FBXL17: variants seen among roughly 807,000 people sequenced by gnomAD.
FBXL17 encodes the protein F-box/LRR-repeat protein 17.
Under a neutral mutation model 66.2 loss-of-function variants are expected in FBXL17, and 22 were observed. That is an observed-to-expected ratio of 0.33 (90% confidence interval 0.24 to 0.47). The LOEUF is 0.47. FBXL17 is among the 20% of genes least tolerant of loss of function. The pLI is 1.00. For missense variants in FBXL17, 878 were observed against 948.2 expected (o/e 0.93, Z 0.97); for synonymous variants, 474 against 400.5 (o/e 1.18, Z -2.19).
In FBXL17 at chr5:108,338,445, T is replaced by C. The variant is rs556246346; in HGVS notation, c.1506+9954A>G. Among the ~76,000 whole-genome samples the C allele has an allele frequency of 3.3e-5, 5 of 152,236 alleles. 2 individuals are homozygous for C. The highest frequency in any genetic ancestry group is 1.2e-4 in the African/African-American group (5 of 41,552). On this transcript the variant is annotated intron_variant, in intron 4 of 8. Coordinates refer to ENST00000542267, the MANE Select transcript of FBXL17 (RefSeq NM_001163315.3). The stretch of plus-strand genomic sequence containing the variant: ...TTAAAGTGAATGATAACCATCTAGA[T>C]TTTATGCTCCAATCAAAAATAGCCA...
intron 4 of FBXL17, among the ~76,000 whole-genome samples, chr5:108,339,204 T>A (rs1746716745): frequency 1.3e-5 from 2 of 152,216 alleles, no homozygotes; most frequent in South Asian, 4.1e-4. Context: ...TAACTGGGAA[T>A]AAGTCTTGGA....
At chr5:108,354,739 GA>G (rs1032653163) in intron 3 of FBXL17, among the ~76,000 whole-genome samples, 18 of 138,072 alleles carry the variant, frequency 1.3e-4, no homozygotes, top group South Asian at 2.3e-4. Context: ...AAAAAAAAAA[GA>G]AAAAAAAAAG....
chr5:108,115,520 T>C (rs940894419), intron 6 of FBXL17, among the ~76,000 whole-genome samples: 6 of 151,602 alleles, frequency 4.0e-5, no homozygotes, highest in Admixed American at 1.3e-4. Context: ...CTGAGGCAAA[T>C]TGAAAAGGAC....
In FBXL17 at chr5:108,349,634, C is replaced by T. The variant is rs1227869909; in HGVS notation, c.1375-1104G>A. On this transcript the variant is annotated intron_variant, in intron 3 of 8. Transcript: ENST00000542267. ...TGTTAAATAAGGTAACTCTGGTGCC[C>T]GATATCTTACACTTAGTTGATACTT... 6.6e-5 allele frequency among the ~76,000 whole-genome samples: 10 copies of T among 151,990 alleles called. No homozygotes were observed. The South Asian group carries it at 1.0e-3, about 16-fold the overall frequency.
chr5:107,864,658 G>A (rs995946039), intron 8 of FBXL17, among the ~76,000 whole-genome samples: 3 of 152,064 alleles, frequency 2.0e-5, no homozygotes, highest in Non-Finnish European at 2.9e-5. Context: ...AAGTGTGTGT[G>A]GCACCTCCCC....
intron 7 of FBXL17, among the ~76,000 whole-genome samples, chr5:108,015,715 T>A (rs960147174): frequency 6.6e-6 from 1 of 152,216 alleles, no homozygotes; most frequent in Non-Finnish European, 1.5e-5. Flanking sequence ...GTGTATTTAC[T>A]TTGATGATGT....
chr5:108,312,101 A>T (rs74448605), intron 4 of FBXL17, among the ~76,000 whole-genome samples: 2,340 of 152,214 alleles, frequency 0.015, 71 homozygotes, highest in African/African-American at 0.052. Flanking sequence ...CTATAAAAAC[A>T]TTCTTATAAA....
In FBXL17 at chr5:108,381,084, C is replaced by G; in HGVS notation, c.608G>C (p.Gly203Ala). The G allele has an allele frequency of 7.9e-7, 1 of 1,264,500 alleles. No homozygotes were observed. 78.3% of individuals were successfully genotyped at this position (1,264,500 alleles called of 1,614,324 possible). ...CTTGCAGGGGGTGCAGGCGGGGACC[C>G]CGGCCCCCTTCCGCTTGCACACCAT... ...PEMVCKRKGA[G>A]VPACTPCKQP... Residue 203 changes from glycine (G) to alanine (A), a missense_variant, in exon 1 of 9, where the codon GGG becomes GCG. Gly to Ala is a moderately conservative substitution (Grantham distance 60, BLOSUM62 0). This residue lies in a region of FBXL17 where 605 missense variants were observed against 509.5 expected (regional missense o/e 1.19). Coordinates refer to ENST00000542267, the MANE Select transcript of FBXL17 (RefSeq NM_001163315.3).
intron 6 of FBXL17, among the ~76,000 whole-genome samples, chr5:108,123,174 T>C (rs1750570850): frequency 6.6e-6 from 1 of 151,816 alleles, no homozygotes; most frequent in Admixed American, 6.6e-5. Context: ...CTTTTTTTAA[T>C]TGCCACTACA....
At chr5:108,085,196 G>A (rs1314180620) in intron 6 of FBXL17, among the ~76,000 whole-genome samples, 2 of 152,196 alleles carry the variant, frequency 1.3e-5, no homozygotes, top group Non-Finnish European at 2.9e-5. Context: ...GTGTTTATAA[G>A]TTTAATTTTA....
chr5:107,927,542 A>G (rs1750565863), intron 7 of FBXL17, among the ~76,000 whole-genome samples: 1 of 152,138 alleles, frequency 6.6e-6, no homozygotes, highest in South Asian at 2.1e-4. Flanking sequence ...CAAAACATAT[A>G]GAAAATAAAA....
chr5:107,866,975 T>C (rs1310933708), intron 8 of FBXL17, among the ~76,000 whole-genome samples: 1 of 152,170 alleles, frequency 6.6e-6, no homozygotes, highest in Non-Finnish European at 1.5e-5. Context: ...TAGCACATAG[T>C]ATATACTCAA....
chr5:108,115,282 G>GT (rs376025306), intron 6 of FBXL17, among the ~76,000 whole-genome samples: 4 of 152,074 alleles, frequency 2.6e-5, no homozygotes, highest in African/African-American at 4.8e-5. Context: ...TTTATTCACT[G>GT]TTTTTTTAAG....
Position 108,380,859 on chromosome 5 carries a change from G to C in FBXL17, c.833C>G (p.Ala278Gly). Reference protein sequence around the residue: ...EGAPTEAGGDAVRAGGTAPLS... With the variant: ...EGAPTEAGGDGVRAGGTAPLS... ...GGGGGCGGTGCCCCCGGCTCGGACA[G>C]CGTCCCCGCCAGCTTCGGTGGGGGC... Residue 278 changes from alanine (A) to glycine (G), a missense_variant, in exon 1 of 9, where the codon GCT (alanine) becomes GGT (glycine). Ala to Gly is a moderately conservative substitution (Grantham distance 60). Transcript: ENST00000542267. 1 of 1,245,620 alleles carries C rather than the reference G, an allele frequency of 8.0e-7. No homozygotes were observed. Among genetic ancestry groups the C allele is most frequent in the Non-Finnish European group, 1.0e-6 (1 of 988,048 alleles). 77.2% of individuals were successfully genotyped at this position (1,245,620 alleles called of 1,614,324 possible).
intron 7 of FBXL17, among the ~76,000 whole-genome samples, chr5:107,892,783 T>C (rs949559152): frequency 6.6e-6 from 1 of 152,164 alleles, no homozygotes; most frequent in Non-Finnish European, 1.5e-5. Flanking sequence ...TCAGAGGCTG[T>C]TGTCTGGAGT....
At chr5:108,256,170 T>A (rs1035115371) in intron 4 of FBXL17, among the ~76,000 whole-genome samples, 2 of 152,146 alleles carry the variant, frequency 1.3e-5, no homozygotes, top group Non-Finnish European at 1.5e-5. Context: ...GATCACAACT[T>A]CCTTGGAAGG....
At chr5:107,914,846 A>C (rs151175551) in intron 7 of FBXL17, among the ~76,000 whole-genome samples, 1 of 152,310 alleles carries the variant, frequency 6.6e-6, no homozygotes, top group African/African-American at 2.4e-5. Flanking sequence ...AGAACTGTGA[A>C]CTGTTGCTCC....
At chr5:107,987,988 G>A (rs369433360) in intron 7 of FBXL17, among the ~76,000 whole-genome samples, 20 of 151,970 alleles carry the variant, frequency 1.3e-4, no homozygotes, top group African/African-American at 4.1e-4. Context: ...AAAGAGTACT[G>A]TTGGATTTAT....
chr5:108,126,026 T>C (rs1363466832), intron 6 of FBXL17, among the ~76,000 whole-genome samples: 1 of 152,134 alleles, frequency 6.6e-6, no homozygotes, highest in Non-Finnish European at 1.5e-5. Context: ...TCCTTAATTT[T>C]AGATTGCTCT....
Sources: allele counts gnomAD v4.1 joint callset (sites outside exome capture counted in the v4.1 genomes callset), GRCh38; gene constraint gnomAD v4.1.1; regional missense constraint gnomAD v4.1.1; transcripts MANE v1.5; gene names NCBI Gene and HGNC (gene_info 2026-07-23, HGNC 2026-07-21).